Variants in SIPA1L3 observed in about 807,000 individuals in gnomAD.
SIPA1L3 encodes signal induced proliferation associated 1 like 3, also known as signal-induced proliferation-associated 1-like protein 3.
A neutral mutation model predicts 150.1 loss-of-function variants in SIPA1L3; 59 were observed. The observed-to-expected ratio is 0.39, with a 90% CI of 0.32 to 0.49. SIPA1L3 has a LOEUF of 0.49. Among genes scored for constraint, SIPA1L3 ranks in the 20% least tolerant of loss-of-function variants. The probability of loss-of-function intolerance (pLI) is 0.86; values close to 1 mark genes in which losing one functional copy is unlikely to be tolerated. For synonymous variants in SIPA1L3, 1,070 were observed against 1,077.6 expected (o/e 0.99, Z 0.14); for missense variants, 2,211 against 2,489.5 (o/e 0.89, Z 2.38).
rs1013497815 is a variant in SIPA1L3 at position 38,182,538 on chromosome 19, G to T, written c.4228G>T (p.Gly1410Cys). 1.9e-6 allele frequency: 3 copies of T among 1,610,824 alleles called. No homozygotes were observed. Among genetic ancestry groups the T allele is most frequent in the African/African-American group, 2.7e-5 (2 of 74,766 alleles). ...TTGCAGTGACATGGGCTCGAGGGTT[G>T]GCTACCCCGCTCAGGTTTACAAAAC... ...RQPSDMGSRV[G>C]YPAQVYKTAS... The change falls in exon 16 of 22, where the codon GGC (glycine) becomes TGC (cysteine). Residue 1410 changes from glycine (G) to cysteine (C), a missense_variant. By Grantham distance (159) the Gly-to-Cys change is radical (BLOSUM62 -3). Around this residue, in one of 5 missense-constraint regions of SIPA1L3, gnomAD observed 806 missense variants for 870.1 expected, o/e 0.93. Coordinates refer to ENST00000222345, the MANE Select transcript of SIPA1L3 (RefSeq NM_015073.3).
chr19:38,009,703 T>G (rs1331391361), intron 1 of SIPA1L3, among the ~76,000 whole-genome samples: 3 of 152,132 alleles, frequency 2.0e-5, no homozygotes, highest in Non-Finnish European at 4.4e-5. Context: ...CACAGGATGC[T>G]AAGCCGCAGA....
intron 1 of SIPA1L3, among the ~76,000 whole-genome samples, chr19:37,997,705 A>G (rs1438422275): frequency 1.3e-5 from 2 of 151,874 alleles, no homozygotes; most frequent in Admixed American, 1.3e-4. Flanking sequence ...CGTCTCTACT[A>G]AAAATACAAA....
intron 1 of SIPA1L3, among the ~76,000 whole-genome samples, chr19:37,937,741 C>CAAAAAAAAAAAAAAAAAGAAA (rs2046613293): frequency 5.4e-5 from 1 of 18,674 alleles, no homozygotes; most frequent in Non-Finnish European, 9.3e-5. Flanking sequence ...AACCCTGTCT[C>CAAAAAAAAAAAAAAAAAGAAA]AAAAAAAAAA....
chr19:38,081,461 C>T lies in SIPA1L3; in HGVS notation c.-105C>T, dbSNP rs1969976558. On this transcript the variant is annotated 5_prime_UTR_variant, in exon 3 of 22. Transcript: ENST00000222345. ...CTGTCAGGTTTCAGGGCCCAGCATC[C>T]TTCATCCTGGGCCTGGCTGCCCTGA... 4 of 1,121,058 alleles carry T rather than the reference C, an allele frequency of 3.6e-6. No individual in the cohort carries two copies. The highest frequency in any genetic ancestry group is 4.9e-5 in the Admixed American group (2 of 40,518). 69.4% of individuals were successfully genotyped at this position (1,121,058 alleles called of 1,614,324 possible). A position where few individuals can be genotyped will look rare whatever the true frequency, so the allele number is the denominator to read the frequency against.
chr19:38,188,698 G>A (rs1017576588), intron 16 of SIPA1L3, among the ~76,000 whole-genome samples: 25 of 151,802 alleles, frequency 1.6e-4, no homozygotes, highest in Admixed American at 1.1e-3. Context: ...CGAGGCGGGC[G>A]GATCACGAGG....
chr19:38,114,858 C>T (rs778780581), intron 8 of SIPA1L3, among the ~76,000 whole-genome samples: 5 of 152,168 alleles, frequency 3.3e-5, no homozygotes, highest in African/African-American at 7.2e-5. Context: ...CGGCCGGGGT[C>T]GCGCAGTAGC....
intron 1 of SIPA1L3, among the ~76,000 whole-genome samples, chr19:38,016,216 A>G (rs1027760261): frequency 1.3e-5 from 2 of 152,242 alleles, no homozygotes; most frequent in Admixed American, 1.3e-4. Context: ...TGTTGCATGA[A>G]GTAACAAATA....
intron 1 of SIPA1L3, among the ~76,000 whole-genome samples, chr19:37,978,042 A>G (rs1967115496): frequency 6.6e-6 from 1 of 152,228 alleles, no homozygotes; most frequent in South Asian, 2.1e-4. Flanking sequence ...AGGGGTGTCC[A>G]TGCACACAGT....
At chr19:38,198,105 A>C (rs1973004119) in intron 18 of SIPA1L3, among the ~76,000 whole-genome samples, 1 of 152,070 alleles carries the variant, frequency 6.6e-6, no homozygotes, top group African/African-American at 2.4e-5. Context: ...GGGATTTAGC[A>C]CTGGCTGTTC....
intron 2 of SIPA1L3, among the ~76,000 whole-genome samples, chr19:38,057,583 C>T (rs1387208251): frequency 6.6e-6 from 1 of 151,568 alleles, no homozygotes; most frequent in Non-Finnish European, 1.5e-5. Flanking sequence ...AATTTTTCTG[C>T]ATCTCTTATT....
intron 2 of SIPA1L3, among the ~76,000 whole-genome samples, chr19:38,065,508 T>C (rs1446757517): frequency 1.3e-5 from 2 of 151,234 alleles, no homozygotes; most frequent in African/African-American, 4.9e-5. Flanking sequence ...CTCCACCTCC[T>C]GGGTTCAAGC....
intron 1 of SIPA1L3, among the ~76,000 whole-genome samples, chr19:37,966,566 C>T (rs950452774): frequency 1.3e-5 from 2 of 152,184 alleles, no homozygotes; most frequent in Non-Finnish European, 2.9e-5. Flanking sequence ...CTGGGGCAGG[C>T]TCTGTTCTGT....
At chr19:38,072,254 G>C (rs1245793716) in intron 2 of SIPA1L3, among the ~76,000 whole-genome samples, 1 of 152,196 alleles carries the variant, frequency 6.6e-6, no homozygotes, top group Non-Finnish European at 1.5e-5. Context: ...ACCTCATGGG[G>C]TTGTTGAAAG....
chr19:38,038,049 C>T (rs926134853), intron 2 of SIPA1L3, among the ~76,000 whole-genome samples: 1 of 152,160 alleles, frequency 6.6e-6, no homozygotes, highest in African/African-American at 2.4e-5. Context: ...GGATCTGCCA[C>T]TAGCGTGCCT....
chr19:38,168,993 T>G (rs1972266684), intron 15 of SIPA1L3, among the ~76,000 whole-genome samples: 1 of 152,158 alleles, frequency 6.6e-6, no homozygotes, highest in Non-Finnish European at 1.5e-5. Context: ...GATATATGCT[T>G]GCTTTCATGA....
chr19:37,947,092 A>G (rs2046718541), intron 1 of SIPA1L3, among the ~76,000 whole-genome samples: 1 of 150,844 alleles, frequency 6.6e-6, no homozygotes, highest in South Asian at 2.1e-4. Context: ...TACTGGCAAG[A>G]CTGAGGTGGG....
intron 20 of SIPA1L3, among the ~76,000 whole-genome samples, chr19:38,202,439 T>C (rs1194482383): frequency 6.6e-6 from 1 of 151,732 alleles, no homozygotes; most frequent in Admixed American, 6.6e-5. Flanking sequence ...AATACAAAAA[T>C]TAGCCGGGCG....
At chr19:38,037,060 C>T (rs1968809516) in intron 2 of SIPA1L3, among the ~76,000 whole-genome samples, 1 of 152,226 alleles carries the variant, frequency 6.6e-6, no homozygotes, top group Admixed American at 6.5e-5. Flanking sequence ...GGTATTTATG[C>T]AGCACCTACT....
At chr19:37,909,231 G>A (rs183610244) in intron 1 of SIPA1L3, among the ~76,000 whole-genome samples, 4 of 152,322 alleles carry the variant, frequency 2.6e-5, no homozygotes, top group African/African-American at 7.2e-5. Context: ...AGCTTGAGAC[G>A]GAGTCTTGCT....
Sources: allele counts gnomAD v4.1 joint callset (sites outside exome capture counted in the v4.1 genomes callset), GRCh38; gene constraint gnomAD v4.1.1; regional missense constraint gnomAD v4.1.1; transcripts MANE v1.5; gene names NCBI Gene and HGNC (gene_info 2026-07-23, HGNC 2026-07-21).